TENM1: variants seen among roughly 807,000 people sequenced by gnomAD.
TENM1 encodes teneurin transmembrane protein 1.
In TENM1, 35 loss-of-function variants were observed where a neutral mutation model predicts 174.8. The ratio of observed to expected loss-of-function variants is 0.20; its 90% confidence interval spans 0.15 to 0.27. The LOEUF (loss-of-function observed/expected upper bound fraction) is 0.27. Among genes scored for constraint, TENM1 ranks in the 10% least tolerant of loss-of-function variants. The pLI is 1.00. For synonymous variants in TENM1, 781 were observed against 798.7 expected (o/e 0.98, Z 0.37); for missense variants, 1,633 against 2,130.1 (o/e 0.77, Z 4.59).
rs1218735732 is a variant in TENM1 at position 124,824,900 on chromosome X, C to T, written c.535+69396G>A. ...GTTCCTCTTTAGGGTGGGATGTTGGCCAACTTGAGGATTTCCAGAAATAAA... is the reference window on the plus strand; with the variant it reads ...GTTCCTCTTTAGGGTGGGATGTTGGTCAACTTGAGGATTTCCAGAAATAAA... On this transcript the variant is annotated intron_variant, in intron 3 of 31. Transcript: ENST00000422452. 1.4e-4 allele frequency among the ~76,000 whole-genome samples: 16 copies of T among 110,817 alleles called. No homozygotes were observed. In the Admixed American group the frequency reaches 1.5e-3, roughly 11 times the overall value.
the TENM1 span, among the ~76,000 whole-genome samples, chrX:125,064,312 T>TA: frequency 4.6e-5 from 5 of 108,011 alleles, no homozygotes; most frequent in Non-Finnish European, 7.7e-5. Flanking sequence ...AGTATAATAA[T>TA]AAAAAAAAGA....
chrX:124,801,691 T>C (rs575069754), intron 3 of TENM1, among the ~76,000 whole-genome samples: 2 of 111,881 alleles, frequency 1.8e-5, no homozygotes, highest in African/African-American at 6.5e-5. Flanking sequence ...CATTGGCCTT[T>C]ATATTTTGGT....
the TENM1 span, among the ~76,000 whole-genome samples, chrX:125,074,944 T>C: frequency 8.9e-6 from 1 of 112,292 alleles, no homozygotes; most frequent in African/African-American, 3.2e-5. Context: ...CATTTATTAC[T>C]TAACACTTTG....
chrX:124,807,768 T>C (rs1176910798), intron 3 of TENM1, among the ~76,000 whole-genome samples: 2 of 110,872 alleles, frequency 1.8e-5, no homozygotes, highest in Middle Eastern at 4.6e-3. Flanking sequence ...TAATCTGTTA[T>C]GACTGCAAGA....
chrX:125,147,682 C>A, the TENM1 span, among the ~76,000 whole-genome samples: 1 of 111,138 alleles, frequency 9.0e-6, no homozygotes, highest in Admixed American at 9.6e-5. Flanking sequence ...CAGGTCCCTA[C>A]GCGGCTTACC....
intron 3 of TENM1, among the ~76,000 whole-genome samples, chrX:124,822,782 T>C (rs2056068774): frequency 1.8e-5 from 2 of 111,875 alleles, no homozygotes; most frequent in Non-Finnish European, 1.9e-5. Flanking sequence ...TTGTCTATAA[T>C]CCAGTGTTGC....
At chrX:125,143,174 G>A in the TENM1 span, among the ~76,000 whole-genome samples, 2 of 111,607 alleles carry the variant, frequency 1.8e-5, no homozygotes, top group Non-Finnish European at 3.8e-5. Context: ...GAGTGTGTAC[G>A]TCTATTCATA....
intron 8 of TENM1, among the ~76,000 whole-genome samples, chrX:124,650,219 AAAAAAAAAAG>A (rs2051266783): frequency 9.2e-6 from 1 of 108,430 alleles, no homozygotes; most frequent in African/African-American, 3.3e-5. Context: ...AAAAAAAAAA[AAAAAAAAAAG>A]AAAGAGGAGA....
At chrX:125,013,844 T>C in the TENM1 span, among the ~76,000 whole-genome samples, 1 of 111,830 alleles carries the variant, frequency 8.9e-6, no homozygotes, top group Non-Finnish European at 1.9e-5. Context: ...TACTACAACA[T>C]CTCAGCAAGC....
chrX:125,099,143 T>C, the TENM1 span, among the ~76,000 whole-genome samples: 1 of 112,217 alleles, frequency 8.9e-6, no homozygotes, highest in African/African-American at 3.2e-5. Flanking sequence ...TTCTAATAGT[T>C]GCTTCACTTT....
chrX:124,716,919 T>C (rs1293703290), intron 4 of TENM1, among the ~76,000 whole-genome samples: 1 of 111,023 alleles, frequency 9.0e-6, no homozygotes, highest in African/African-American at 3.3e-5. Flanking sequence ...AGCCCTAGGA[T>C]CAAAGTTAAA....
chrX:124,834,995 A>T (rs2056364652), intron 3 of TENM1, among the ~76,000 whole-genome samples: 1 of 112,041 alleles, frequency 8.9e-6, no homozygotes, highest in African/African-American at 3.2e-5. Flanking sequence ...TACAGATAAT[A>T]TAAGAGGGCC....
intron 6 of TENM1, among the ~76,000 whole-genome samples, chrX:124,654,700 A>C (rs1455979040): frequency 9.0e-6 from 1 of 111,665 alleles, no homozygotes; most frequent in Non-Finnish European, 1.9e-5. Flanking sequence ...CTAGAGGACC[A>C]GTCAAAAGGG....
chrX:124,384,250 C>A (rs781416996), exon 30 of TENM1: 2 of 1,208,159 alleles, frequency 1.7e-6, no homozygotes, highest in Non-Finnish European at 1.1e-6. Flanking sequence ...CATTTCCCCT[C>A]TGCCTCAGAA....
chrX:124,947,278 G>A (rs2058417384), intron 1 of TENM1, among the ~76,000 whole-genome samples: 2 of 111,724 alleles, frequency 1.8e-5, no homozygotes, highest in South Asian at 7.4e-4. Flanking sequence ...AAACCATGCA[G>A]ATATTTCTAA....
chrX:124,885,438 A>G (rs2057367549), intron 3 of TENM1, among the ~76,000 whole-genome samples: 1 of 111,119 alleles, frequency 9.0e-6, no homozygotes, highest in Admixed American at 9.6e-5. Flanking sequence ...GAAATACTGG[A>G]AATGTTAATA....
At chrX:125,092,696 G>T in the TENM1 span, among the ~76,000 whole-genome samples, 4 of 111,388 alleles carry the variant, frequency 3.6e-5, no homozygotes, top group African/African-American at 1.3e-4. Flanking sequence ...AAATAATAAG[G>T]AACAGATATG....
At chrX:125,040,821 C>T in the TENM1 span, among the ~76,000 whole-genome samples, 1 of 111,379 alleles carries the variant, frequency 9.0e-6, no homozygotes, top group African/African-American at 3.2e-5. Flanking sequence ...AAAATTGATA[C>T]TATTCATCTT....
At chrX:124,669,014 T>G (rs1034565583) in intron 6 of TENM1, among the ~76,000 whole-genome samples, 1 of 111,930 alleles carries the variant, frequency 8.9e-6, no homozygotes, top group African/African-American at 3.2e-5. Flanking sequence ...GAAAGCAGGT[T>G]CTATAGCACC....
Sources: gnomAD v4.1 joint callset for allele counts (sites outside exome capture counted in the v4.1 genomes callset) on GRCh38, gnomAD v4.1.1 for gene constraint, MANE v1.5 for transcripts, NCBI Gene and HGNC (gene_info 2026-07-23, HGNC 2026-07-21) for gene names.